CD160: variants seen among roughly 807,000 people sequenced by gnomAD.
CD160 encodes CD160 antigen.
A neutral mutation model predicts 19.2 loss-of-function variants in CD160; 11 were observed. The ratio of observed to expected loss-of-function variants is 0.57; its 90% confidence interval spans 0.36 to 0.95. CD160 has a LOEUF of 0.95. CD160 is among the 40% of genes least tolerant of loss of function. CD160 has a pLI of 0.01. For missense variants in CD160, 182 were observed against 213.2 expected, an observed-to-expected ratio of 0.85 and a Z score of 0.91; for synonymous variants, 75 against 81.1, an observed-to-expected ratio of 0.93 and a Z score of 0.40.
At chr1:145,735,071 C>A (rs587775902) in intron 4 of CD160, among the ~76,000 whole-genome samples, 9 of 152,172 alleles carry the variant, frequency 5.9e-5, no homozygotes, top group Admixed American at 4.6e-4. Context: ...TGCGCCACTG[C>A]ACTCGAGCCT....
chr1:145,738,789 C>T lies in CD160; in HGVS notation c.*296C>T, dbSNP rs906318577. 3 of 255,556 alleles carry T rather than the reference C, an allele frequency of 1.2e-5. No homozygotes were observed. Among genetic ancestry groups the T allele is most frequent in the Middle Eastern group, 1.2e-3 (1 of 858 alleles). 15.8% of individuals were successfully genotyped at this position (255,556 alleles called of 1,614,324 possible). A position where few individuals can be genotyped will look rare whatever the true frequency, so the allele number is the denominator to read the frequency against. ...TCCTCAAATATCGGATAAATATATGCGTTTTTGTACCCCAGAAAAACTTTT... is the reference window on the plus strand; with the variant it reads ...TCCTCAAATATCGGATAAATATATGTGTTTTTGTACCCCAGAAAAACTTTT... On this transcript the variant is annotated 3_prime_UTR_variant, in exon 6 of 6. Transcript: ENST00000369288.
intron 5 of CD160, chr1:145,736,362 C>T (rs1436285530): frequency 1.5e-6 from 2 of 1,318,552 alleles, no homozygotes; most frequent in South Asian, 1.4e-5. Flanking sequence ...GGAGGTAAGA[C>T]TCATTAGGAA....
chr1:145,736,327 G>C (rs1398418754), intron 5 of CD160, 193 bp downstream of exon 5: 6 of 1,510,074 alleles, frequency 4.0e-6, no homozygotes, highest in Non-Finnish European at 4.5e-6. Flanking sequence ...GAGGAAGACA[G>C]ATAAATCAGA....
intron 4 of CD160, among the ~76,000 whole-genome samples, chr1:145,732,025 C>G (rs1049117355): frequency 3.3e-5 from 5 of 152,192 alleles, no homozygotes; most frequent in African/African-American, 9.6e-5. Flanking sequence ...CATGCTCCCC[C>G]TGCTCCATTA....
In CD160 at chr1:145,730,981, C is replaced by T. The variant is rs782576997; in HGVS notation, c.311C>T (p.Pro104Leu). The T allele has an allele frequency of 3.1e-6, 5 of 1,613,930 alleles. No individual in the cohort carries two copies. The highest frequency in any genetic ancestry group is 3.3e-5 in the Admixed American group (2 of 59,994). ...QLMFTISQVT[P>L]LHSGTYQCCA... Reference sequence around the variant, plus strand: ...ATGTTCACCATAAGCCAAGTCACACCGTTGCACAGTGGGACCTACCAGTGT... The same window carrying T: ...ATGTTCACCATAAGCCAAGTCACACTGTTGCACAGTGGGACCTACCAGTGT... Residue 104 changes from proline (P) to leucine (L), a missense_variant, in exon 4 of 6, where the codon CCG becomes CTG. Transcript: ENST00000369288.
chr1:145,730,591 G>A (rs1571681542), intron 3 of CD160, among the ~76,000 whole-genome samples, 153 bp from the exon 4 acceptor site: 1 of 152,168 alleles, frequency 6.6e-6, no homozygotes, highest in South Asian at 2.1e-4. Context: ...CACAGCCATC[G>A]ATAGAGCTGG....
Position 145,738,726 on chromosome 1 carries a change from A to C in CD160, c.*233A>C, listed in dbSNP as rs1657596033. On this transcript the variant is annotated 3_prime_UTR_variant, in exon 6 of 6. Coordinates refer to ENST00000369288, the MANE Select transcript of CD160 (RefSeq NM_007053.4). ...CCTTCTTCCCTCCTAAGCTCCAGTA[A>C]ATAAACAGAACAGCTTTCACCAAAG... 2.7e-6 allele frequency: 1 copy of C among 365,528 alleles called. No homozygotes were observed. Among genetic ancestry groups the C allele is most frequent in the Non-Finnish European group, 4.9e-6 (1 of 203,440 alleles). 22.6% of individuals were successfully genotyped at this position (365,528 alleles called of 1,614,324 possible). A position where few individuals can be genotyped will look rare whatever the true frequency, so the allele number is the denominator to read the frequency against.
At chr1:145,728,869 A>G (rs587767835) in intron 3 of CD160, among the ~76,000 whole-genome samples, 152 of 152,252 alleles carry the variant, frequency 1.0e-3, no homozygotes, top group African/African-American at 3.5e-3. Context: ...TGTCTCTGCT[A>G]TATGTTTCAA....
chr1:145,731,763 T>A (rs745520008), intron 4 of CD160, among the ~76,000 whole-genome samples: 1 of 152,324 alleles, frequency 6.6e-6, no homozygotes, highest in East Asian at 1.9e-4. Flanking sequence ...TATTTCTAAA[T>A]TCAGGCAGAC....
intron 3 of CD160, among the ~76,000 whole-genome samples, chr1:145,730,007 T>A (rs1364823976): frequency 6.6e-6 from 1 of 152,204 alleles, no homozygotes; most frequent in Non-Finnish European, 1.5e-5. Flanking sequence ...TTTTTGCTAA[T>A]TTGTTTTTAC....
rs1553708665 is a variant in CD160 at position 145,728,377 on chromosome 1, C to T, written c.50C>T (p.Ala17Val). 1 of 1,612,414 alleles carries T rather than the reference C, an allele frequency of 6.2e-7. No homozygotes were observed. Among genetic ancestry groups the T allele is most frequent in the Non-Finnish European group, 8.5e-7 (1 of 1,178,850 alleles). The change falls in exon 3 of 6, where the codon GCA (alanine) becomes GTA (valine). Residue 17 changes from alanine to valine, a missense_variant. Physicochemically the swap from Ala to Val is moderately conservative, Grantham distance 64. Coordinates refer to ENST00000369288, the MANE Select transcript of CD160 (RefSeq NM_007053.4). Reference sequence around the variant, plus strand: ...TGCTGTGCCCTGGCCATCCTGCTGGCAATTGTGGACATCCAGTCTGGTGGT... The same window carrying T: ...TGCTGTGCCCTGGCCATCCTGCTGGTAATTGTGGACATCCAGTCTGGTGGT... ...RGCCALAILL[A>V]IVDIQSGGCI... is the part of the protein sequence containing the mutation.
At chr1:145,734,622 T>C (rs997450611) in intron 4 of CD160, among the ~76,000 whole-genome samples, 3 of 152,226 alleles carry the variant, frequency 2.0e-5, no homozygotes, top group Non-Finnish European at 4.4e-5. Context: ...TATAACACAG[T>C]CCTTGCTCCT....
chr1:145,721,121 C>T (rs782764247), intron 1 of CD160, among the ~76,000 whole-genome samples: 15 of 152,194 alleles, frequency 9.9e-5, no homozygotes, highest in Non-Finnish European at 1.9e-4. Flanking sequence ...ACCACCCGCT[C>T]TCCCCTCTGT....
intron 5 of CD160, 153 bp downstream of exon 5, chr1:145,736,287 A>G (rs1553710184): frequency 1.3e-6 from 2 of 1,551,878 alleles, no homozygotes; most frequent in Admixed American, 3.9e-5. Context: ...GGAAAGTTCA[A>G]ACCAGTTTCA....
intron 1 of CD160, among the ~76,000 whole-genome samples, chr1:145,722,819 C>G (rs1245783907): frequency 6.6e-6 from 1 of 152,106 alleles, no homozygotes; most frequent in African/African-American, 2.4e-5. Flanking sequence ...TGGTCTCGAT[C>G]TCCTGACCTC....
chr1:145,728,110 C>A, intron 2 of CD160, 146 bp from the exon 3 acceptor site: 1 of 521,474 alleles, frequency 1.9e-6, no homozygotes, highest in Non-Finnish European at 3.4e-6. Flanking sequence ...TGGTTTACCG[C>A]CTCACTTCCC....
chr1:145,733,130 TTTTC>T (rs1358822907), intron 4 of CD160, among the ~76,000 whole-genome samples: 2 of 152,120 alleles, frequency 1.3e-5, no homozygotes, highest in African/African-American at 2.4e-5. Context: ...TTACTTTTTT[TTTTC>T]TTTTTCTTTG....
chr1:145,731,404 C>T (rs1462277203), intron 4 of CD160, among the ~76,000 whole-genome samples: 1 of 152,142 alleles, frequency 6.6e-6, no homozygotes, highest in Non-Finnish European at 1.5e-5. Flanking sequence ...GGCATGGTGG[C>T]TCATGCCTGT....
At chr1:145,721,087 C>G (rs1260388671) in intron 1 of CD160, among the ~76,000 whole-genome samples, 2 of 152,194 alleles carry the variant, frequency 1.3e-5, no homozygotes, top group Non-Finnish European at 1.5e-5. Flanking sequence ...GTAGTGGGCC[C>G]GGAAAATTCC....
Sources: allele counts gnomAD v4.1 joint callset (sites outside exome capture counted in the v4.1 genomes callset), GRCh38; gene constraint gnomAD v4.1.1; transcripts MANE v1.5; gene names NCBI Gene and HGNC (gene_info 2026-07-23, HGNC 2026-07-21).